The following CTBP2 variants were observed in gnomAD, a reference collection of about 807,000 sequenced individuals.
CTBP2 encodes the protein C-terminal binding protein 2.
In CTBP2, 30 loss-of-function variants were observed where a neutral mutation model predicts 80.3. The ratio of observed to expected loss-of-function variants is 0.37; its 90% CI spans 0.28 to 0.51. The LOEUF (loss-of-function observed/expected upper bound fraction) is 0.51, where lower values mean the gene tolerates loss of function less well. CTBP2 is among the 20% of genes least tolerant of loss of function. CTBP2 has a pLI of 0.93. For missense variants in CTBP2, 1,212 were observed against 1,375.3 expected (o/e 0.88, Z 1.88); for synonymous variants, 594 against 587.4 (o/e 1.01, Z -0.16).
intron 4 of CTBP2, among the ~76,000 whole-genome samples, chr10:124,995,835 C>G (rs915227858): frequency 6.6e-6 from 1 of 152,104 alleles, no homozygotes; most frequent in Non-Finnish European, 1.5e-5. Context: ...AAACTGAGGA[C>G]CCCAGCATGC....
chr10:125,129,247 C>T (rs1336279649), intron 1 of CTBP2, among the ~76,000 whole-genome samples: 2 of 152,068 alleles, frequency 1.3e-5, no homozygotes, highest in African/African-American at 4.8e-5. Flanking sequence ...TGGGGACAGC[C>T]TGGCAGGGCC....
At chr10:125,005,624 G>A (rs767173873) in intron 1 of CTBP2, 19 of 1,612,774 alleles carry the variant, frequency 1.2e-5, no homozygotes, top group Non-Finnish European at 1.5e-5. Flanking sequence ...CGCGAGATCC[G>A]CAACAGCACC....
intron 2 of CTBP2, among the ~76,000 whole-genome samples, chr10:125,062,414 T>A (rs948551832): frequency 2.0e-5 from 3 of 151,528 alleles, no homozygotes; most frequent in Non-Finnish European, 4.4e-5. Context: ...TCTGCTTTTT[T>A]AAGTCTGTCC....
At chr10:125,072,422 C>T (rs1433378376) in intron 2 of CTBP2, among the ~76,000 whole-genome samples, 1 of 152,138 alleles carries the variant, frequency 6.6e-6, no homozygotes, top group African/African-American at 2.4e-5. Flanking sequence ...TGACACCAGC[C>T]TTGCCAACAT....
chr10:125,043,247 G>T (rs115576068), intron 2 of CTBP2, among the ~76,000 whole-genome samples: 24 of 152,282 alleles, frequency 1.6e-4, no homozygotes, highest in African/African-American at 5.5e-4. Flanking sequence ...AGAATCAAGG[G>T]CAGGGGAAAG....
chr10:125,113,117 C>A (rs1459252049), intron 1 of CTBP2, among the ~76,000 whole-genome samples: 1 of 152,198 alleles, frequency 6.6e-6, no homozygotes, highest in Non-Finnish European at 1.5e-5. Flanking sequence ...CACACTGTAA[C>A]CCACACCTCT....
At position 124,989,691 on chromosome 10, in the gene CTBP2, G is replaced by A. The variant is rs141252590; in HGVS notation, c.2785C>T (p.Pro929Ser). The A allele has an allele frequency of 6.3e-7, 1 of 1,575,648 alleles. No individual in the cohort carries two copies. Among genetic ancestry groups the A allele is most frequent in the African/African-American group, 1.3e-5 (1 of 74,138 alleles). Residue 929 changes from proline to serine, a missense_variant, in exon 9 of 9, where the codon CCA becomes TCA. Pro to Ser is a moderately conservative substitution (Grantham distance 74). Transcript: ENST00000309035. ...CCTGGAGCCACACCCACGATGCCTG[G>A]CGGATATCTAAGGAACACACAGAAA...
At chr10:125,081,101 G>A (rs1372488306) in intron 2 of CTBP2, among the ~76,000 whole-genome samples, 1 of 152,160 alleles carries the variant, frequency 6.6e-6, no homozygotes, top group African/African-American at 2.4e-5. Flanking sequence ...GACAACAACA[G>A]TGGGTCCTGA....
chr10:125,130,002 G>A (rs1344639513), intron 1 of CTBP2, among the ~76,000 whole-genome samples: 1 of 151,864 alleles, frequency 6.6e-6, no homozygotes, highest in African/African-American at 2.4e-5. Context: ...CTTGGAAGCA[G>A]GGCAAAGAAC....
At chr10:125,077,313 T>C (rs114033027) in intron 2 of CTBP2, among the ~76,000 whole-genome samples, 245 of 152,284 alleles carry the variant, frequency 1.6e-3, no homozygotes, top group African/African-American at 5.8e-3. Context: ...ATAAGACACA[T>C]TCAGCGTTTC....
intron 1 of CTBP2, among the ~76,000 whole-genome samples, chr10:125,125,129 C>T (rs1481223414): frequency 6.6e-6 from 1 of 152,212 alleles, no homozygotes; most frequent in South Asian, 2.1e-4. Flanking sequence ...CATGATTCTT[C>T]CAGTTTTCTT....
chr10:124,997,658 G>A (rs1341811926), intron 4 of CTBP2: 3 of 450,002 alleles, frequency 6.7e-6, no homozygotes, highest in Non-Finnish European at 1.2e-5. Context: ...CTTCACCCCT[G>A]CCCAGGGAAA....
At position 125,146,282 on chromosome 10, in the gene CTBP2, A is replaced by AT. The variant is rs34558482; in HGVS notation, c.-206+14036dup. The stretch of plus-strand genomic sequence containing the variant: ...GCCACCATGCCCGGCCCTAAGTGAG[A>AT]TTTTTTTTTTTTTTTGGAGACAGCG... On this transcript the variant is annotated intron_variant, in intron 1 of 10. Coordinates refer to the CTBP2 transcript ENST00000337195. Among the ~76,000 whole-genome samples the AT allele has an allele frequency of 3.3e-3, 456 of 136,470 alleles. 3 individuals are homozygous for AT. The highest frequency in any genetic ancestry group is 0.012 in the Admixed American group (158 of 13,698). 89.5% of individuals were successfully genotyped at this position (136,470 alleles called of 152,430 possible).
At chr10:125,063,392 G>A (rs1844124697) in intron 2 of CTBP2, among the ~76,000 whole-genome samples, 1 of 152,190 alleles carries the variant, frequency 6.6e-6, no homozygotes, top group Non-Finnish European at 1.5e-5. Context: ...GATGGGGACT[G>A]AGCATTCACT....
At chr10:125,118,464 G>A (rs1490917621) in intron 1 of CTBP2, among the ~76,000 whole-genome samples, 1 of 152,152 alleles carries the variant, frequency 6.6e-6, no homozygotes, top group African/African-American at 2.4e-5. Context: ...TTTGAAAGGG[G>A]GGAAGAAAAG....
chr10:125,076,669 A>G (rs1846319476), intron 2 of CTBP2, among the ~76,000 whole-genome samples: 1 of 152,214 alleles, frequency 6.6e-6, no homozygotes, highest in African/African-American at 2.4e-5. Context: ...CTTGGCACAA[A>G]AGGACCAGAC....
rs71029238 is a variant in CTBP2, at chr10:125,092,176, C to CTTTTT, written c.-102+18809_-102+18813dup. ...AGCATGGTTTCCTTGTCTGAAGATT[C>CTTTTT]TTTTTTTTTTTTTTTTTTTTTTTGA... is the stretch of plus-strand genomic sequence containing the variant. On this transcript the variant is annotated intron_variant, in intron 2 of 10. Coordinates refer to the CTBP2 transcript ENST00000337195. Among the ~76,000 whole-genome samples, 428 of 87,084 alleles carry CTTTTT rather than the reference C, an allele frequency of 4.9e-3. 16 individuals are homozygous for CTTTTT. The highest frequency in any genetic ancestry group is 0.014 in the African/African-American group (337 of 23,426). The allele number at this position is 87,084 out of a possible 152,430, so 57.1% of individuals were successfully genotyped here.
chr10:125,013,081 G>A (rs1477304163), intron 1 of CTBP2, among the ~76,000 whole-genome samples: 2 of 152,154 alleles, frequency 1.3e-5, no homozygotes, highest in Non-Finnish European at 2.9e-5. Context: ...TGTCTCGAGG[G>A]TGGCAGCTGC....
intron 2 of CTBP2, among the ~76,000 whole-genome samples, chr10:125,086,120 G>A (rs1239247399): frequency 2.0e-5 from 3 of 152,166 alleles, no homozygotes; most frequent in Non-Finnish European, 4.4e-5. Context: ...GTGTCCCCCT[G>A]CAAATTCCTA....
Sources: gnomAD v4.1 joint callset for allele counts (sites outside exome capture counted in the v4.1 genomes callset) on GRCh38, gnomAD v4.1.1 for gene constraint, MANE v1.5 for transcripts, NCBI Gene and HGNC (gene_info 2026-07-23, HGNC 2026-07-21) for gene names.